ADGRB2: variants seen among roughly 807,000 people sequenced by gnomAD.
ADGRB2 encodes adhesion G protein-coupled receptor B2.
ADGRB2 carries 47 observed loss-of-function variants against 178.7 expected under a neutral mutation model. The ratio of observed to expected loss-of-function variants is 0.26; its 90% CI spans 0.21 to 0.34. The LOEUF is 0.34. Ranked by LOEUF, ADGRB2 falls within the 10% of genes least tolerant of loss-of-function variation. The probability of loss-of-function intolerance (pLI) is 1.00; values close to 1 mark genes in which losing one functional copy is unlikely to be tolerated. For missense variants in ADGRB2, 1,584 were observed against 2,180.8 expected (o/e 0.73, Z 5.45); for synonymous variants, 870 against 912.4 (o/e 0.95, Z 0.84).
chr1:31,759,295 A>C lies in ADGRB2; in HGVS notation c.-190-1784T>G, dbSNP rs1290187532. 2.6e-6 allele frequency: 2 copies of C among 779,726 alleles called. No individual in the cohort carries two copies. Among genetic ancestry groups the C allele is most frequent in the South Asian group, 2.7e-5 (2 of 74,626 alleles). The allele number at this position is 779,726 out of a possible 1,614,324, so 48.3% of individuals were successfully genotyped here. On this transcript the variant is annotated intron_variant, in intron 1 of 32. Transcript: ENST00000373658. The surrounding 1 kb of genome is among the most constrained non-coding windows in gnomAD (Gnocchi z 4.3). ...CACTTGTACACATGCACAGAGGTGC[A>C]CACGCATTCTCGACTGAGAACACAC...
At chr1:31,762,561 G>A (rs1402503112) in intron 1 of ADGRB2, among the ~76,000 whole-genome samples, 1 of 152,174 alleles carries the variant, frequency 6.6e-6, no homozygotes, top group African/African-American at 2.4e-5. Context: ...GTCTGTACGT[G>A]AAGGCTCAAA....
At chr1:31,734,668 T>A (rs867041147) in intron 25 of ADGRB2, among the ~76,000 whole-genome samples, 12 of 152,300 alleles carry the variant, frequency 7.9e-5, no homozygotes, top group African/African-American at 2.2e-4. Flanking sequence ...GGGGTCTCAG[T>A]GAAATAATTC....
Position 31,742,228 on chromosome 1 carries a change from A to G in ADGRB2, c.1253-11T>C. ...ACCACTGGCCTTCCACTGCATGGGG[A>G]GACACAAGCAGGGGTGGCTGTTGAG... On this transcript the variant is annotated splice_polypyrimidine_tract_variant and intron_variant, in intron 7 of 32. Coordinates refer to ENST00000373658, the MANE Select transcript of ADGRB2 (RefSeq NM_001364857.2). The G allele has an allele frequency of 6.3e-7, 1 of 1,584,606 alleles. No homozygotes were observed. Among genetic ancestry groups the G allele is most frequent in the Non-Finnish European group, 8.6e-7 (1 of 1,162,818 alleles).
chr1:31,731,150 C>T lies in ADGRB2; in HGVS notation c.4030G>A (p.Glu1344Lys). 1 of 1,595,572 alleles carries T rather than the reference C, an allele frequency of 6.3e-7. No homozygotes were observed. Among genetic ancestry groups the T allele is most frequent in the Non-Finnish European group, 8.5e-7 (1 of 1,171,756 alleles). ...QLDLTWLRPT[E>K]PGSEGDYMVL... ...ATGTAGTCTCCCTCAGAGCCTGGCT[C>T]AGTGGGCCGCAGCCATGTGAGGTCC... Residue 1344 changes from glutamate to lysine, a missense_variant, in exon 29 of 33, where the codon GAG (glutamate) becomes AAG (lysine). By Grantham distance (56) the Glu-to-Lys change is moderately conservative (BLOSUM62 1). Coordinates refer to ENST00000373658, the MANE Select transcript of ADGRB2 (RefSeq NM_001364857.2).
At chr1:31,730,424 C>T (rs1003985554) in intron 29 of ADGRB2, among the ~76,000 whole-genome samples, 25 of 152,214 alleles carry the variant, frequency 1.6e-4, no homozygotes, top group African/African-American at 4.8e-4. Flanking sequence ...AAAATGAAGG[C>T]TCACTGATCT....
rs955191589 is a variant in ADGRB2 at position 31,758,188 on chromosome 1, G to GC, written c.-190-678dup. 1.3e-5 allele frequency among the ~76,000 whole-genome samples: 2 copies of GC among 152,194 alleles called. No homozygotes were observed. Among genetic ancestry groups the GC allele is most frequent in the African/African-American group, 4.8e-5 (2 of 41,440 alleles). On this transcript the variant is annotated intron_variant, in intron 1 of 32. Coordinates refer to ENST00000373658, the MANE Select transcript of ADGRB2 (RefSeq NM_001364857.2). The surrounding 1 kb of genome is among the most constrained non-coding windows in gnomAD (Gnocchi z 4.2). ...CAGGATAGCTCACAGCACTGCATGG[G>GC]CCCCCTAGAGCCCAGCTGGTCCTCA...
intron 29 of ADGRB2, among the ~76,000 whole-genome samples, chr1:31,730,282 C>T (rs1645211128): frequency 6.6e-6 from 1 of 152,224 alleles, no homozygotes; most frequent in Admixed American, 6.5e-5. Context: ...CAGCTGATTT[C>T]AGGGGTGCTA....
In ADGRB2 at chr1:31,736,722, C is replaced by A; in HGVS notation, c.2981G>T (p.Gly994Val). Residue 994 changes from glycine to valine, a missense_variant and splice_region_variant, in exon 21 of 33, where the codon GGC (glycine) becomes GTC (valine). This residue lies in a region of ADGRB2 where 865 missense variants were observed against 1,192.8 expected (regional missense o/e 0.73). Transcript: ENST00000373658. ...LVGQSRVLSK[G>V]VCTMTAAFLH... ...GAAGGCAGCCGTCATGGTGCACACG[C>A]CCTGCAGGGAGAGGGAATGGGAGGG... The A allele has an allele frequency of 6.2e-7, 1 of 1,613,470 alleles. No individual in the cohort carries two copies. The highest frequency in any genetic ancestry group is 8.5e-7 in the Non-Finnish European group (1 of 1,179,644).
chr1:31,727,723 G>T lies in ADGRB2; in HGVS notation c.4573-118C>A. 8.6e-7 allele frequency: 1 copy of T among 1,156,254 alleles called. No homozygotes were observed. Among genetic ancestry groups the T allele is most frequent in the Non-Finnish European group, 1.2e-6 (1 of 851,418 alleles). The allele number at this position is 1,156,254 out of a possible 1,614,324, so 71.6% of individuals were successfully genotyped here. On this transcript the variant is annotated intron_variant, in intron 32 of 32. Transcript: ENST00000373658. The surrounding 1 kb of genome is among the most constrained non-coding windows in gnomAD (Gnocchi z 4.4). ...AATGCCCAAAGTTATGGAGCAATCAGGTGTCAAGCAGAATTCAAATACAGA... is the reference window on the plus strand; with the variant it reads ...AATGCCCAAAGTTATGGAGCAATCATGTGTCAAGCAGAATTCAAATACAGA...
chr1:31,739,496 G>T lies in ADGRB2; in HGVS notation c.2307C>A (p.Ser769=). Reference sequence around the variant, plus strand: ...CAGATGTGGCTGGCTTCCCTGGGGAGGAGAGGCTGAGCACCTCCTTGGGCA... The same window carrying T: ...CAGATGTGGCTGGCTTCCCTGGGGATGAGAGGCTGAGCACCTCCTTGGGCA... ...LFLPKEVLSL[S]SPGKPATSGA... Residue 769 remains serine (S), a synonymous_variant, in exon 15 of 33, where the codon TCC becomes TCA. Coordinates refer to ENST00000373658, the MANE Select transcript of ADGRB2 (RefSeq NM_001364857.2). 1.2e-6 allele frequency: 2 copies of T among 1,612,794 alleles called. No homozygotes were observed. Among genetic ancestry groups the T allele is most frequent in the Non-Finnish European group, 1.7e-6 (2 of 1,179,788 alleles).
Position 31,744,138 on chromosome 1 carries a change from C to T in ADGRB2, c.1087+55G>A, listed in dbSNP as rs1367353446. The T allele has an allele frequency of 8.2e-6, 12 of 1,468,078 alleles. No homozygotes were observed. Among genetic ancestry groups the T allele is most frequent in the African/African-American group, 1.4e-5 (1 of 69,850 alleles). The allele number at this position is 1,468,078 out of a possible 1,614,324, so 90.9% of individuals were successfully genotyped here. On this transcript the variant is annotated intron_variant, in intron 6 of 32. Coordinates refer to ENST00000373658, the MANE Select transcript of ADGRB2 (RefSeq NM_001364857.2). The surrounding 1 kb of genome is among the most constrained non-coding windows in gnomAD (Gnocchi z 6.7). ...ATTTTGGAGATTAATCTGCCCAAGT[C>T]CCAGGCAGGACCTAACCCTGCAGGC...
intron 17 of ADGRB2, 61 bp downstream of exon 17, chr1:31,738,526 C>T: frequency 6.4e-7 from 1 of 1,566,258 alleles, no homozygotes; most frequent in African/African-American, 1.4e-5. Context: ...CAGGAGACCC[C>T]TTTCTGGCAA....
At position 31,727,321 on chromosome 1, in the gene ADGRB2, G is replaced by C; in HGVS notation, c.*99C>G. On this transcript the variant is annotated 3_prime_UTR_variant, in exon 33 of 33. Transcript: ENST00000373658. This position sits in a 1 kb window ranked among gnomAD's most constrained non-coding sequence, Gnocchi z 4.4. ...CGGCGCCTCCCTGCCCAGCCCTCGGGAGAGGGGAGAGGGCGCTGGCTCCTG... is the reference window on the plus strand; with the variant it reads ...CGGCGCCTCCCTGCCCAGCCCTCGGCAGAGGGGAGAGGGCGCTGGCTCCTG... 7.2e-7 allele frequency: 1 copy of C among 1,385,616 alleles called. No homozygotes were observed. Among genetic ancestry groups the C allele is most frequent in the Non-Finnish European group, 9.5e-7 (1 of 1,053,944 alleles). 85.8% of individuals were successfully genotyped at this position (1,385,616 alleles called of 1,614,324 possible).
intron 4 of ADGRB2, among the ~76,000 whole-genome samples, chr1:31,752,496 G>A (rs951001940): frequency 6.6e-6 from 1 of 152,216 alleles, no homozygotes; most frequent in Non-Finnish European, 1.5e-5. Context: ...GAGCAGCAGG[G>A]TCTGAGCGCT....
Position 31,756,385 on chromosome 1 carries a change from A to C in ADGRB2, c.452T>G (p.Leu151Arg). ...CTGCACGAAGTTCTTGTCGAAGTGC[A>C]GGAAGGTAAAGGGGCCTGAGCCGCT... Reference protein sequence around the residue: ...LCSGSGPFTFLHFDKNFVQLC... With the variant: ...LCSGSGPFTFRHFDKNFVQLC... The change falls in exon 4 of 33, where the codon CTG (leucine) becomes CGG (arginine). Residue 151 changes from leucine to arginine, a missense_variant. By Grantham distance (102) the Leu-to-Arg change is moderately radical. This residue lies in a region of ADGRB2 where 657 missense variants were observed against 847.6 expected (regional missense o/e 0.78). Transcript: ENST00000373658. The surrounding 1 kb of genome is among the most constrained non-coding windows in gnomAD (Gnocchi z 8.5). 1.2e-6 allele frequency: 2 copies of C among 1,612,992 alleles called. No individual in the cohort carries two copies. Among genetic ancestry groups the C allele is most frequent in the African/African-American group, 1.3e-5 (1 of 75,064 alleles).
intron 18 of ADGRB2, among the ~76,000 whole-genome samples, chr1:31,737,978 T>C (rs1645716849): frequency 6.6e-6 from 1 of 152,086 alleles, no homozygotes; most frequent in Non-Finnish European, 1.5e-5. Context: ...CACACACATG[T>C]GCACACACAC....
At chr1:31,729,501 C>T (rs1645168792) in intron 29 of ADGRB2, among the ~76,000 whole-genome samples, 1 of 152,218 alleles carries the variant, frequency 6.6e-6, no homozygotes, top group South Asian at 2.1e-4. Context: ...CTTCTCCTGC[C>T]TTTACCACAC....
intron 4 of ADGRB2, among the ~76,000 whole-genome samples, chr1:31,745,097 C>T (rs893358259): frequency 6.6e-6 from 1 of 152,224 alleles, no homozygotes; most frequent in African/African-American, 2.4e-5. Flanking sequence ...AAAGAAGAAC[C>T]ATCATCTCTG....
At chr1:31,745,732 T>C (rs1233114231) in intron 4 of ADGRB2, among the ~76,000 whole-genome samples, 1 of 152,166 alleles carries the variant, frequency 6.6e-6, no homozygotes. Flanking sequence ...GGCTCCTTCC[T>C]ATCTCTAAAA....
Sources: gnomAD v4.1 joint callset for allele counts (sites outside exome capture counted in the v4.1 genomes callset) on GRCh38, gnomAD v4.1.1 for gene constraint, gnomAD v4.1.1 regional missense constraint, Gnocchi (gnomAD v3.1) non-coding constraint, MANE v1.5 for transcripts, NCBI Gene and HGNC (gene_info 2026-07-23, HGNC 2026-07-21) for gene names.